The following TAX1BP1 variants were observed in gnomAD, a reference collection of about 807,000 sequenced individuals.
TAX1BP1 encodes the protein tax1-binding protein 1.
In TAX1BP1, 62 loss-of-function variants were observed where a neutral mutation model predicts 97.7. The ratio of observed to expected loss-of-function variants is 0.63; its 90% CI spans 0.52 to 0.78. TAX1BP1 has a LOEUF of 0.78. TAX1BP1 is among the 30% of genes least tolerant of loss of function. The pLI, the probability that TAX1BP1 is intolerant of heterozygous loss-of-function variation, is 0.00. For missense variants in TAX1BP1, 867 were observed against 916.1 expected (o/e 0.95, Z 0.69); for synonymous variants, 340 against 304.2 (o/e 1.12, Z -1.23).
chr7:27,783,641 C>T (rs982816802), intron 5 of TAX1BP1, among the ~76,000 whole-genome samples: 2 of 152,074 alleles, frequency 1.3e-5, no homozygotes, highest in Non-Finnish European at 1.5e-5. Context: ...TTGTAGAATG[C>T]TGTATACCCG....
chr7:27,759,609 C>A (rs1368394792), intron 3 of TAX1BP1, among the ~76,000 whole-genome samples: 1 of 151,568 alleles, frequency 6.6e-6, no homozygotes, highest in African/African-American at 2.4e-5. Context: ...AAAAAAAATT[C>A]TAGGACTTTA....
At chr7:27,772,667 A>T (rs1210917521) in intron 5 of TAX1BP1, 1 of 152,064 alleles carries the variant, frequency 6.6e-6, no homozygotes, top group African/African-American at 2.4e-5. Flanking sequence ...TGAAATTCTG[A>T]TAATTACAAT....
chr7:27,801,440 C>G (rs937031037), intron 13 of TAX1BP1, among the ~76,000 whole-genome samples: 2 of 151,970 alleles, frequency 1.3e-5, no homozygotes, highest in Admixed American at 6.6e-5. Context: ...ATAACTGGAA[C>G]CTTCCTTAAT....
At position 27,785,286 on chromosome 7, in the gene TAX1BP1, A is replaced by G. The variant is rs770804708; in HGVS notation, c.736A>G (p.Ile246Val). The change falls in exon 6 of 17, where the codon ATT becomes GTT. Residue 246 changes from isoleucine to valine, a missense_variant. By Grantham distance (29) the Ile-to-Val change is conservative. Transcript: ENST00000396319. ...EDIVSVTHKA[I>V]EKETELDSLK... ...TATTGTGTCAGTAACACATAAAGCA[A>G]TTGAAAAAGAAACCGAATTAGACAG... 6.2e-6 allele frequency: 10 copies of G among 1,609,860 alleles called. No individual in the cohort carries two copies. Among genetic ancestry groups the G allele is most frequent in the Non-Finnish European group, 8.5e-6 (10 of 1,178,734 alleles).
intron 1 of TAX1BP1, among the ~76,000 whole-genome samples, chr7:27,747,516 A>AG (rs1226047133): frequency 6.6e-6 from 1 of 152,196 alleles, no homozygotes; most frequent in East Asian, 1.9e-4. Context: ...CGTGAATACT[A>AG]GAAGTTGAGG....
chr7:27,794,318 A>G lies in TAX1BP1; in HGVS notation c.1411-5A>G. The stretch of plus-strand genomic sequence containing the variant: ...CATTTAACAACTTATTAACATTTTG[A>G]ATAGGCTAATAATAATAATGTCTTC... On this transcript the variant is annotated splice_region_variant and splice_polypyrimidine_tract_variant and intron_variant, in intron 10 of 16. Transcript: ENST00000396319. 1 of 1,602,158 alleles carries G rather than the reference A, an allele frequency of 6.2e-7. No homozygotes were observed. Among genetic ancestry groups the G allele is most frequent in the East Asian group, 2.2e-5 (1 of 44,628 alleles).
At chr7:27,812,915 C>T (rs1200054262) in intron 13 of TAX1BP1, among the ~76,000 whole-genome samples, 1 of 152,134 alleles carries the variant, frequency 6.6e-6, no homozygotes, top group African/African-American at 2.4e-5. Flanking sequence ...CATGGCCATG[C>T]CCATTCATGT....
At chr7:27,796,090 C>T in intron 11 of TAX1BP1, 26 bp from the exon 12 acceptor site, 1 of 1,555,548 alleles carries the variant, frequency 6.4e-7, no homozygotes, top group Non-Finnish European at 8.8e-7. Context: ...TACTTTTTAA[C>T]AGTCTTATAT....
At chr7:27,769,628 T>C (rs1214367722) in intron 4 of TAX1BP1, 48 bp from the exon 5 acceptor site, 2 of 1,461,868 alleles carry the variant, frequency 1.4e-6, no homozygotes, top group Non-Finnish European at 1.9e-6. Flanking sequence ...AATAACATAT[T>C]TTAGGATTAA....
At chr7:27,774,410 A>C (rs571168727) in intron 5 of TAX1BP1, among the ~76,000 whole-genome samples, 1 of 152,246 alleles carries the variant, frequency 6.6e-6, no homozygotes, top group South Asian at 2.1e-4. Flanking sequence ...TGAGAACCTG[A>C]AAACCCAAGC....
chr7:27,764,702 GATT>G (rs1178654559), intron 3 of TAX1BP1, among the ~76,000 whole-genome samples: 4 of 151,900 alleles, frequency 2.6e-5, no homozygotes, highest in African/African-American at 9.7e-5. Flanking sequence ...TCTTGCCTAC[GATT>G]ATTGTGGTGT....
intron 15 of TAX1BP1, among the ~76,000 whole-genome samples, chr7:27,821,507 C>T (rs543017973): frequency 5.3e-5 from 8 of 151,754 alleles, no homozygotes; most frequent in Non-Finnish European, 8.8e-5. Flanking sequence ...TGGTGGTGCA[C>T]GCCAGTAATC....
chr7:27,783,098 C>T lies in TAX1BP1; in HGVS notation c.613-2065C>T, dbSNP rs150697219. 8.4e-3 allele frequency among the ~76,000 whole-genome samples: 1,279 copies of T among 152,174 alleles called. 13 individuals are homozygous for T. The highest frequency in any genetic ancestry group is 0.029 in the African/African-American group (1,202 of 41,524). ...AAAGTCCCTGCATGAATCTGAAGTA[C>T]TCAAATCTCTTTATCTCCCTTTGCC... On this transcript the variant is annotated intron_variant, in intron 5 of 16. Coordinates refer to ENST00000396319, the MANE Select transcript of TAX1BP1 (RefSeq NM_006024.7).
rs144298040 is a variant in TAX1BP1, at chr7:27,753,762, G to A, written c.163-4269G>A. On this transcript the variant is annotated intron_variant, in intron 2 of 16. Coordinates refer to ENST00000396319, the MANE Select transcript of TAX1BP1 (RefSeq NM_006024.7). The stretch of plus-strand genomic sequence containing the variant: ...AGATCTTTCACTTAACCAAACAGCC[G>A]GAGTAAAAGTTATGTGAATGTGGTT... Among the ~76,000 whole-genome samples, 323 of 152,146 alleles carry A rather than the reference G, an allele frequency of 2.1e-3. 1 individual carries two copies. Among genetic ancestry groups the A allele is most frequent in the African/African-American group, 7.4e-3 (308 of 41,512 alleles).
intron 5 of TAX1BP1, among the ~76,000 whole-genome samples, chr7:27,778,116 G>C (rs995922669): frequency 2.0e-5 from 3 of 152,144 alleles, no homozygotes; most frequent in African/African-American, 7.2e-5. Flanking sequence ...TTGGCATTCT[G>C]TTCTTAGTTT....
intron 1 of TAX1BP1, among the ~76,000 whole-genome samples, chr7:27,742,500 T>A (rs369599007): frequency 1.3e-5 from 2 of 150,292 alleles, no homozygotes; most frequent in African/African-American, 5.0e-5. Context: ...GGTAAGGTCA[T>A]AGATTAACAG....
At chr7:27,767,062 G>C (rs1788673745) in intron 4 of TAX1BP1, among the ~76,000 whole-genome samples, 1 of 152,024 alleles carries the variant, frequency 6.6e-6, no homozygotes, top group African/African-American at 2.4e-5. Flanking sequence ...ATTTTTAGTA[G>C]TCATTGACAG....
At chr7:27,823,778 C>T (rs1791070201) in intron 15 of TAX1BP1, among the ~76,000 whole-genome samples, 1 of 152,194 alleles carries the variant, frequency 6.6e-6, no homozygotes, top group East Asian at 1.9e-4. Flanking sequence ...AACTCCCATT[C>T]CCTCTTCCTC....
At chr7:27,772,976 G>A (rs1048255338) in intron 5 of TAX1BP1, among the ~76,000 whole-genome samples, 24 of 151,852 alleles carry the variant, frequency 1.6e-4, no homozygotes, top group Admixed American at 5.3e-4. Flanking sequence ...TGGTTCAACT[G>A]TAAGGGAAGA....
Sources: allele counts gnomAD v4.1 joint callset (sites outside exome capture counted in the v4.1 genomes callset), GRCh38; gene constraint gnomAD v4.1.1; transcripts MANE v1.5; gene names NCBI Gene and HGNC (gene_info 2026-07-23, HGNC 2026-07-21).